Variants in APAF1 observed in about 807,000 individuals in gnomAD.
The protein encoded by APAF1 is apoptotic protease-activating factor 1.
APAF1 carries 91 observed loss-of-function variants against 152.4 expected under a neutral mutation model. The observed-to-expected ratio is 0.60, with a 90% CI of 0.50 to 0.71. The LOEUF is 0.71. Among genes scored for constraint, APAF1 ranks in the 30% least tolerant of loss-of-function variants. APAF1 has a pLI of 0.00. For missense variants in APAF1, 1,283 were observed against 1,472.0 expected, an observed-to-expected ratio of 0.87 and a Z score of 2.10; for synonymous variants, 484 against 494.1, an observed-to-expected ratio of 0.98 and a Z score of 0.27.
intron 17 of APAF1, among the ~76,000 whole-genome samples, chr12:98,700,392 A>G (rs1209277212): frequency 6.6e-6 from 1 of 152,220 alleles, no homozygotes. Context: ...TAATTGAAAT[A>G]TAAAATATGG....
chr12:98,721,648 A>G (rs2097742997), intron 22 of APAF1, among the ~76,000 whole-genome samples: 1 of 152,062 alleles, frequency 6.6e-6, no homozygotes, highest in African/African-American at 2.4e-5. Context: ...AATTACTCTC[A>G]CTTCCAGTTC....
chr12:98,656,376 C>G (rs56947674), intron 4 of APAF1, among the ~76,000 whole-genome samples: 11,157 of 152,228 alleles, frequency 0.073, 559 homozygotes, highest in East Asian at 0.21. Context: ...TGCAAACTTA[C>G]ACTGAAGGAG....
At chr12:98,711,054 C>T (rs1487373640) in intron 20 of APAF1, among the ~76,000 whole-genome samples, 1 of 152,142 alleles carries the variant, frequency 6.6e-6, no homozygotes. Flanking sequence ...TTTGATTTTA[C>T]AAGTTTTACT....
At position 98,659,831 on chromosome 12, in the gene APAF1, GA is replaced by G. The variant is rs923282482; in HGVS notation, c.710+498del. On this transcript the variant is annotated intron_variant, in intron 5 of 26. Coordinates refer to ENST00000551964, the MANE Select transcript of APAF1 (RefSeq NM_181861.2). ...TGCTTTTCTCTCTTGTATTTAAAAC[GA>G]AAAAAAAAAGTGGCTGCCACTCGGC... Among the ~76,000 whole-genome samples the G allele has an allele frequency of 3.5e-3, 507 of 142,836 alleles. 4 individuals are homozygous for G. Among genetic ancestry groups the G allele is most frequent in the African/African-American group, 0.012 (483 of 39,066 alleles). The allele number at this position is 142,836 out of a possible 152,430, so 93.7% of individuals were successfully genotyped here.
chr12:98,655,852 CG>C (rs2097656810), intron 4 of APAF1, among the ~76,000 whole-genome samples: 1 of 151,702 alleles, frequency 6.6e-6, no homozygotes, highest in South Asian at 2.1e-4. Context: ...GGCGCGGTCT[CG>C]GCTCACTGCA....
chr12:98,714,368 G>A (rs2097731556), intron 21 of APAF1, among the ~76,000 whole-genome samples: 2 of 152,168 alleles, frequency 1.3e-5, no homozygotes, highest in South Asian at 4.1e-4. Context: ...TTCATATGGT[G>A]TAGCCTCATA....
At chr12:98,665,317 G>C (rs1044415606) in intron 7 of APAF1, among the ~76,000 whole-genome samples, 1 of 103,398 alleles carries the variant, frequency 9.7e-6, no homozygotes, top group Non-Finnish European at 2.0e-5. Flanking sequence ...AGCCAGATTT[G>C]ATCTATGTTA....
chr12:98,672,492 G>T (rs1044238046), intron 12 of APAF1, among the ~76,000 whole-genome samples: 28 of 151,412 alleles, frequency 1.8e-4, no homozygotes, highest in African/African-American at 6.8e-4. Flanking sequence ...TGAGATAATG[G>T]CTGTAAAGTA....
intron 7 of APAF1, among the ~76,000 whole-genome samples, chr12:98,664,082 C>T (rs187977718): frequency 2.0e-5 from 3 of 150,924 alleles, no homozygotes; most frequent in African/African-American, 7.3e-5. Context: ...TGCAGTGGTG[C>T]GACCTCTGCT....
chr12:98,653,717 TATATATAG>T (rs2097652750), intron 4 of APAF1, among the ~76,000 whole-genome samples: 1 of 114,330 alleles, frequency 8.7e-6, no homozygotes, highest in African/African-American at 3.2e-5. Context: ...TATATATATA[TATATATAG>T]TTTTTAACTA....
intron 12 of APAF1, 47 bp downstream of exon 12, chr12:98,671,766 A>G (rs753659629): frequency 1.9e-6 from 3 of 1,570,774 alleles, no homozygotes; most frequent in Admixed American, 3.3e-5. Flanking sequence ...CGCTAACTAT[A>G]TCATTATTTT....
At chr12:98,721,979 G>A (rs116593758) in intron 22 of APAF1, among the ~76,000 whole-genome samples, 2,270 of 152,204 alleles carry the variant, frequency 0.015, 43 homozygotes, top group African/African-American at 0.037. Flanking sequence ...TTTGGAGCTG[G>A]CCTGTTTTCC....
chr12:98,670,932 T>C (rs772564707), intron 10 of APAF1, 41 bp from the exon 11 acceptor site: 1 of 1,287,518 alleles, frequency 7.8e-7, no homozygotes, highest in Non-Finnish European at 1.1e-6. Context: ...AATTTTTTGA[T>C]CTCTAACAGT....
chr12:98,711,560 A>G (rs1443189989), intron 20 of APAF1, among the ~76,000 whole-genome samples: 1 of 152,234 alleles, frequency 6.6e-6, no homozygotes, highest in African/African-American at 2.4e-5. Flanking sequence ...TTTGTACTAG[A>G]AACAAAGATG....
intron 5 of APAF1, among the ~76,000 whole-genome samples, chr12:98,660,895 G>A (rs1275158506): frequency 6.6e-6 from 1 of 152,164 alleles, no homozygotes; most frequent in Non-Finnish European, 1.5e-5. Context: ...TCAGAATATA[G>A]GGTGAGAAGA....
At chr12:98,704,622 A>G (rs985224986) in intron 18 of APAF1, among the ~76,000 whole-genome samples, 4 of 152,300 alleles carry the variant, frequency 2.6e-5, no homozygotes, top group Middle Eastern at 3.4e-3. Flanking sequence ...GCAGCAGTGC[A>G]TGTGACACTG....
Position 98,671,671 on chromosome 12 carries a change from T to G in APAF1, c.1745T>G (p.Leu582Arg). The change falls in exon 12 of 27, where the codon CTG becomes CGG. Residue 582 changes from leucine (L) to arginine (R), a missense_variant. By Grantham distance (102) the Leu-to-Arg change is moderately radical (BLOSUM62 -2). Transcript: ENST00000551964. ...ETSEVYQQAK[L>R]QAKQEVDNGM... ...TCAGAAGTTTATCAGCAAGCTAAGCTGCAGGCCAAGCAGGAGGTCGATAAT... is the reference window on the plus strand; with the variant it reads ...TCAGAAGTTTATCAGCAAGCTAAGCGGCAGGCCAAGCAGGAGGTCGATAAT... 2 of 1,614,090 alleles carry G rather than the reference T, an allele frequency of 1.2e-6. No homozygotes were observed. The highest frequency in any genetic ancestry group is 1.3e-5 in the African/African-American group (1 of 74,998).
intron 22 of APAF1, 64 bp from the exon 23 acceptor site, chr12:98,723,129 T>C: frequency 1.9e-6 from 3 of 1,549,934 alleles, no homozygotes; most frequent in Non-Finnish European, 1.8e-6. Context: ...GTACACTCTC[T>C]CCACCCCTCC....
At chr12:98,714,462 C>T (rs539147380) in intron 21 of APAF1, among the ~76,000 whole-genome samples, 19 of 152,204 alleles carry the variant, frequency 1.2e-4, no homozygotes, top group African/African-American at 4.3e-4. Flanking sequence ...CCTGGATGTT[C>T]GATGTTGTTA....
Sources: gnomAD v4.1 joint callset for allele counts (sites outside exome capture counted in the v4.1 genomes callset) on GRCh38, gnomAD v4.1.1 for gene constraint, MANE v1.5 for transcripts, NCBI Gene and HGNC (gene_info 2026-07-23, HGNC 2026-07-21) for gene names.